NEGR1: variants seen among roughly 807,000 people sequenced by gnomAD.
NEGR1 encodes IgLON family member 4.
In NEGR1, 10 loss-of-function variants were observed where a neutral mutation model predicts 40.9. The observed-to-expected ratio is 0.24, with a 90% CI of 0.15 to 0.42. The LOEUF (loss-of-function observed/expected upper bound fraction) is 0.42, where lower values mean the gene tolerates loss of function less well. Among genes scored for constraint, NEGR1 ranks in the 10% least tolerant of loss-of-function variants. NEGR1 has a pLI of 1.00. For missense variants in NEGR1, 352 were observed against 438.9 expected (o/e 0.80, Z 1.77); for synonymous variants, 185 against 166.8 (o/e 1.11, Z -0.84).
At chr1:72,041,714 G>A in intron 1 of NEGR1, among the ~76,000 whole-genome samples, 1 of 147,208 alleles carries the variant, frequency 6.8e-6, no homozygotes. Flanking sequence ...AAGACTAGAT[G>A]GATATATATA....
chr1:72,124,109 G>T (rs1649914115), intron 1 of NEGR1, among the ~76,000 whole-genome samples: 1 of 151,972 alleles, frequency 6.6e-6, no homozygotes, highest in Non-Finnish European at 1.5e-5. Context: ...GAAGCTGCTG[G>T]CTTGCTCATC....
intron 6 of NEGR1, among the ~76,000 whole-genome samples, chr1:71,454,820 A>G (rs575742130): frequency 1.3e-5 from 2 of 152,316 alleles, no homozygotes; most frequent in African/African-American, 2.4e-5. Context: ...AACAAATGCA[A>G]AAAGTCTTTA....
At chr1:71,707,332 G>A (rs574840451) in intron 3 of NEGR1, among the ~76,000 whole-genome samples, 2 of 152,310 alleles carry the variant, frequency 1.3e-5, no homozygotes, top group South Asian at 2.1e-4. Flanking sequence ...GATACTTTAG[G>A]TCTTAAGGGG....
At chr1:71,742,284 A>T (rs1419461148) in intron 3 of NEGR1, among the ~76,000 whole-genome samples, 1 of 152,068 alleles carries the variant, frequency 6.6e-6, no homozygotes, top group African/African-American at 2.4e-5. Flanking sequence ...TCTTGGAGCT[A>T]TAGGAGAATG....
chr1:71,568,856 G>A (rs1430601028), intron 6 of NEGR1, among the ~76,000 whole-genome samples: 1 of 151,096 alleles, frequency 6.6e-6, no homozygotes, highest in African/African-American at 2.4e-5. Flanking sequence ...GTGTGTGTGT[G>A]TGTGTGTGTG....
rs71074804 is a variant in NEGR1, at chr1:71,759,596, C to CTTTTTTTTTTTTTTTT, written c.535+16560_535+16575dup. On this transcript the variant is annotated intron_variant, in intron 3 of 6. Transcript: ENST00000357731. ...ACAGGCGTGAGCCACTGCGTCCAGG[C>CTTTTTTTTTTTTTTTT]TTTTTTTTTTTTTTTTTTTTTTTTT... is the stretch of plus-strand genomic sequence containing the variant. Among the ~76,000 whole-genome samples, 15 of 31,962 alleles carry CTTTTTTTTTTTTTTTT rather than the reference C, an allele frequency of 4.7e-4. 7 individuals carry two copies. Among genetic ancestry groups the CTTTTTTTTTTTTTTTT allele is most frequent in the African/African-American group, 8.4e-4 (9 of 10,774 alleles). 21.0% of individuals were successfully genotyped at this position (31,962 alleles called of 152,430 possible). A position where few individuals can be genotyped will look rare whatever the true frequency, so the allele number is the denominator to read the frequency against.
At chr1:72,013,575 A>C (rs2100406273) in intron 1 of NEGR1, among the ~76,000 whole-genome samples, 1 of 152,252 alleles carries the variant, frequency 6.6e-6, no homozygotes, top group Non-Finnish European at 1.5e-5. Flanking sequence ...GACAGTAAAT[A>C]AGCATAAGCA....
intron 6 of NEGR1, among the ~76,000 whole-genome samples, chr1:71,463,049 C>T (rs1306524224): frequency 1.3e-5 from 2 of 152,078 alleles, no homozygotes; most frequent in Non-Finnish European, 2.9e-5. Flanking sequence ...TACTTAGGTA[C>T]ATGGCACTCC....
intron 4 of NEGR1, among the ~76,000 whole-genome samples, chr1:71,618,691 A>G (rs583874): frequency 0.96 from 145,659 of 152,162 alleles, 70,033 homozygotes; most frequent in East Asian, 1. Context: ...CACAATAAAT[A>G]TAATGCACTT....
chr1:72,152,343 C>G (rs1651156900), intron 1 of NEGR1, among the ~76,000 whole-genome samples: 1 of 151,766 alleles, frequency 6.6e-6, no homozygotes, highest in Non-Finnish European at 1.5e-5. Context: ...TGCTAATGAA[C>G]TTAGTGAAAG....
chr1:71,969,503 G>C (rs1438164264), intron 1 of NEGR1, among the ~76,000 whole-genome samples: 3 of 152,150 alleles, frequency 2.0e-5, no homozygotes, highest in Non-Finnish European at 4.4e-5. Context: ...GCAGTCAAAG[G>C]CCTTGACCAA....
chr1:71,776,596 T>C (rs1002275195), intron 2 of NEGR1, among the ~76,000 whole-genome samples: 1 of 152,192 alleles, frequency 6.6e-6, no homozygotes, highest in African/African-American at 2.4e-5. Flanking sequence ...TTAAGTAAAC[T>C]AGAATATAAT....
chr1:72,112,212 C>CTT (rs370637197), intron 1 of NEGR1, among the ~76,000 whole-genome samples: 192 of 145,564 alleles, frequency 1.3e-3, no homozygotes, highest in Middle Eastern at 3.6e-3. Context: ...ATTTTCTTCA[C>CTT]TTTTTTTTTT....
chr1:71,948,128 T>C (rs562373941), intron 1 of NEGR1, among the ~76,000 whole-genome samples: 1 of 152,276 alleles, frequency 6.6e-6, no homozygotes, highest in Non-Finnish European at 1.5e-5. Flanking sequence ...CTATCTTGTG[T>C]AGATTTAAAG....
chr1:72,274,646 G>C, intron 1 of NEGR1: 2 of 855,046 alleles, frequency 2.3e-6, no homozygotes, highest in Middle Eastern at 3.2e-4. Flanking sequence ...GGATTTGCAA[G>C]GCTAAGTGCT....
intron 2 of NEGR1, among the ~76,000 whole-genome samples, chr1:71,785,360 T>C (rs940400988): frequency 3.9e-5 from 6 of 152,044 alleles, no homozygotes; most frequent in Non-Finnish European, 8.8e-5. Context: ...GGTATCCTAG[T>C]GAAGTATAAT....
chr1:71,953,572 A>G (rs1234175138), intron 1 of NEGR1, among the ~76,000 whole-genome samples: 1 of 152,010 alleles, frequency 6.6e-6, no homozygotes, highest in Non-Finnish European at 1.5e-5. Context: ...TCCAATTTTG[A>G]AAGTTCTATT....
intron 6 of NEGR1, among the ~76,000 whole-genome samples, chr1:71,501,829 T>C (rs1191828697): frequency 6.6e-6 from 1 of 152,230 alleles, no homozygotes; most frequent in Non-Finnish European, 1.5e-5. Flanking sequence ...ATTACAATTA[T>C]TATAAATTGC....
chr1:71,721,720 T>C (rs1287098083), intron 3 of NEGR1, among the ~76,000 whole-genome samples: 1 of 152,096 alleles, frequency 6.6e-6, no homozygotes, highest in Non-Finnish European at 1.5e-5. Flanking sequence ...CCAAATAACC[T>C]GTAGGAGGCC....
Sources: gnomAD v4.1 joint callset for allele counts (sites outside exome capture counted in the v4.1 genomes callset) on GRCh38, gnomAD v4.1.1 for gene constraint, MANE v1.5 for transcripts, NCBI Gene and HGNC (gene_info 2026-07-23, HGNC 2026-07-21) for gene names.